The following TACR1 variants were observed in gnomAD, a reference collection of about 807,000 sequenced individuals.
TACR1 encodes the protein tachykinin receptor 1.
Under a neutral mutation model 35.8 loss-of-function variants are expected in TACR1, and 25 were observed. The observed-to-expected ratio is 0.70, with a 90% CI of 0.51 to 0.98. TACR1 has a LOEUF of 0.98. TACR1 is among the 50% of genes least tolerant of loss of function. The probability of loss-of-function intolerance (pLI) is 0.00; values close to 1 mark genes in which losing one functional copy is unlikely to be tolerated. For synonymous variants in TACR1, 195 were observed against 206.7 expected (o/e 0.94, Z 0.48); for missense variants, 478 against 522.9 (o/e 0.91, Z 0.84).
chr2:75,174,301 G>A (rs548209302), intron 1 of TACR1, among the ~76,000 whole-genome samples: 29 of 152,318 alleles, frequency 1.9e-4, no homozygotes, highest in African/African-American at 6.5e-4. Flanking sequence ...CAGGGGTTAC[G>A]TTCCAAGACC....
rs139620800 is a variant in TACR1, at chr2:75,099,990, A to G, written c.584+20584T>C. ...TTATTCCCCATTATTGTTAGAATAA[A>G]GCATAAACTCAGTGATCCTACAATA... On this transcript the variant is annotated intron_variant, in intron 2 of 4. Coordinates refer to ENST00000305249, the MANE Select transcript of TACR1 (RefSeq NM_001058.4). Among the ~76,000 whole-genome samples the G allele has an allele frequency of 3.1e-3, 471 of 152,316 alleles. 4 individuals are homozygous for G. Among genetic ancestry groups the G allele is most frequent in the African/African-American group, 0.011 (458 of 41,576 alleles).
chr2:75,098,156 C>T (rs894542813), intron 2 of TACR1, among the ~76,000 whole-genome samples: 2 of 152,132 alleles, frequency 1.3e-5, no homozygotes, highest in African/African-American at 4.8e-5. Flanking sequence ...GAGACAGATT[C>T]ATTCTCCAAA....
At chr2:75,055,836 A>G (rs1329791319) in intron 2 of TACR1, among the ~76,000 whole-genome samples, 1 of 152,192 alleles carries the variant, frequency 6.6e-6, no homozygotes, top group Non-Finnish European at 1.5e-5. Context: ...CAGACTCAGC[A>G]GGGCTGGGGT....
intron 1 of TACR1, among the ~76,000 whole-genome samples, chr2:75,177,899 C>T (rs544368061): frequency 1.2e-3 from 184 of 152,288 alleles, no homozygotes; most frequent in Non-Finnish European, 2.2e-3. Context: ...CACAACATGA[C>T]GATTTCACTT....
chr2:75,094,656 G>A (rs1673376737), intron 2 of TACR1, among the ~76,000 whole-genome samples: 2 of 151,736 alleles, frequency 1.3e-5, no homozygotes, highest in South Asian at 4.2e-4. Flanking sequence ...GATGATGATG[G>A]TGGTGATAGA....
chr2:75,175,972 C>G (rs901573818), intron 1 of TACR1, among the ~76,000 whole-genome samples: 1 of 123,818 alleles, frequency 8.1e-6, no homozygotes, highest in African/African-American at 3.1e-5. Flanking sequence ...TCAGAAATCA[C>G]ATTACTGACT....
At chr2:75,088,837 C>T (rs113933347) in intron 2 of TACR1, among the ~76,000 whole-genome samples, 1,766 of 152,178 alleles carry the variant, frequency 0.012, 24 homozygotes, top group African/African-American at 0.04. Context: ...TCTCCTCACT[C>T]CCTGCAATTT....
chr2:75,069,453 C>T lies in TACR1; in HGVS notation c.585-15698G>A, dbSNP rs551161960. On this transcript the variant is annotated intron_variant, in intron 2 of 4. Coordinates refer to ENST00000305249, the MANE Select transcript of TACR1 (RefSeq NM_001058.4). ...GAGTTTCACAGTGGCTATTCCACAG[C>T]CAGTGCCCCCTTTTACTAACATGTT... Among the ~76,000 whole-genome samples, 7 of 152,214 alleles carry T rather than the reference C, an allele frequency of 4.6e-5. No homozygotes were observed. In the South Asian group the frequency reaches 1.0e-3, roughly 23 times the overall value.
rs1480830612 is a variant in TACR1 at position 75,051,360 on chromosome 2, G to C, written c.823C>G (p.Pro275Ala). ...HIFFLLPYIN[P>A]DLYLKKFIQQ... is the part of the protein sequence containing the mutation. ...ATAAACTTCTTCAGGTAGAGATCTG[G>C]GTTGATGTAGGGCAGGAGGAAGAAG... Residue 275 changes from proline to alanine, a missense_variant, in exon 4 of 5, where the codon CCA (proline) becomes GCA (alanine). By Grantham distance (27) the Pro-to-Ala change is conservative (BLOSUM62 -1). Coordinates refer to ENST00000305249, the MANE Select transcript of TACR1 (RefSeq NM_001058.4). 1 of 1,614,070 alleles carries C rather than the reference G, an allele frequency of 6.2e-7. No individual in the cohort carries two copies. Among genetic ancestry groups the C allele is most frequent in the Admixed American group, 1.7e-5 (1 of 60,006 alleles).
chr2:75,066,265 A>C (rs1672761297), intron 2 of TACR1, among the ~76,000 whole-genome samples: 2 of 152,224 alleles, frequency 1.3e-5, no homozygotes, highest in Non-Finnish European at 2.9e-5. Context: ...GGTGTAAGGA[A>C]GGTAATTGCC....
At chr2:75,153,150 C>T (rs946031745) in intron 1 of TACR1, among the ~76,000 whole-genome samples, 6 of 152,188 alleles carry the variant, frequency 3.9e-5, no homozygotes, top group African/African-American at 1.4e-4. Flanking sequence ...ATCTGCCCAC[C>T]TTGGCCTCCC....
intron 1 of TACR1, among the ~76,000 whole-genome samples, chr2:75,151,502 A>T (rs1572959911): frequency 6.6e-6 from 1 of 152,242 alleles, no homozygotes; most frequent in African/African-American, 2.4e-5. Flanking sequence ...TTGAGCCTGC[A>T]GGTGCACAGA....
intron 1 of TACR1, among the ~76,000 whole-genome samples, chr2:75,191,102 C>T (rs1167484851): frequency 2.6e-5 from 4 of 152,190 alleles, no homozygotes; most frequent in Non-Finnish European, 4.4e-5. Context: ...CTTCATATTT[C>T]CCCTTCCACT....
intron 1 of TACR1, among the ~76,000 whole-genome samples, chr2:75,136,354 T>A (rs934468063): frequency 1.3e-5 from 2 of 152,188 alleles, no homozygotes; most frequent in Non-Finnish European, 2.9e-5. Context: ...GTGCAGTGTA[T>A]TAACAAAAAC....
At chr2:75,181,696 T>C (rs1057001954) in intron 1 of TACR1, among the ~76,000 whole-genome samples, 2 of 152,188 alleles carry the variant, frequency 1.3e-5, no homozygotes, top group African/African-American at 2.4e-5. Context: ...TGCTTATAAG[T>C]TGTGATTTTA....
At chr2:75,152,688 C>T (rs1674700436) in intron 1 of TACR1, among the ~76,000 whole-genome samples, 2 of 152,192 alleles carry the variant, frequency 1.3e-5, no homozygotes, top group African/African-American at 4.8e-5. Context: ...AGTAGATGCT[C>T]AATTAATGCT....
At chr2:75,198,227 AATAT>A (rs1676039597) in intron 1 of TACR1, among the ~76,000 whole-genome samples, 1 of 152,154 alleles carries the variant, frequency 6.6e-6, no homozygotes, top group African/African-American at 2.4e-5. Context: ...GGGGAGAAGG[AATAT>A]ATGGAAAGGA....
Position 75,198,776 on chromosome 2 carries a change from C to G in TACR1, c.159G>C (p.Val53=). 2 of 1,614,200 alleles carry G rather than the reference C, an allele frequency of 1.2e-6. No individual in the cohort carries two copies. The highest frequency in any genetic ancestry group is 1.7e-6 in the Non-Finnish European group (2 of 1,180,026). ...TTTTGTGGGCTAAGATGATCCACAT[C>G]ACTACCACGTTGCCCACCACAGAGG... is the stretch of plus-strand genomic sequence containing the variant. ...VVTSVVGNVV[V]MWIILAHKRM... Residue 53 remains valine, a synonymous_variant, in exon 1 of 5, where the codon GTG becomes GTC. Transcript: ENST00000305249.
At chr2:75,155,220 C>A (rs934055611) in intron 1 of TACR1, among the ~76,000 whole-genome samples, 1 of 152,200 alleles carries the variant, frequency 6.6e-6, no homozygotes, top group Non-Finnish European at 1.5e-5. Context: ...GATTGCAGCT[C>A]CTAACGTAGT....
Sources: gnomAD v4.1 joint callset for allele counts (sites outside exome capture counted in the v4.1 genomes callset) on GRCh38, gnomAD v4.1.1 for gene constraint, MANE v1.5 for transcripts, NCBI Gene and HGNC (gene_info 2026-07-23, HGNC 2026-07-21) for gene names.